Variants in GDNF observed in about 807,000 individuals in gnomAD.
GDNF encodes the protein glial cell derived neurotrophic factor.
In GDNF, 5 loss-of-function variants were observed where a neutral mutation model predicts 13.7. The ratio of observed to expected loss-of-function variants is 0.36; its 90% confidence interval spans 0.19 to 0.77. The LOEUF (loss-of-function observed/expected upper bound fraction) is 0.77. Among genes scored for constraint, GDNF ranks in the 30% least tolerant of loss-of-function variants. The pLI is 0.51. For missense variants in GDNF, 246 were observed against 274.3 expected (o/e 0.90, Z 0.73); for synonymous variants, 122 against 112.5 (o/e 1.08, Z -0.53).
intron 1 of GDNF, chr5:37,835,921 C>T (rs1750687504): frequency 3.7e-6 from 2 of 546,470 alleles, no homozygotes; most frequent in Non-Finnish European, 6.6e-6. Context: ...TTTGGCTTCT[C>T]AATCCTCACA....
At chr5:37,819,103 C>T (rs962411633) in intron 2 of GDNF, among the ~76,000 whole-genome samples, 3 of 152,192 alleles carry the variant, frequency 2.0e-5, no homozygotes, top group Admixed American at 6.5e-5. Flanking sequence ...TGGAGGCCTA[C>T]GGTAACTGCT....
chr5:37,833,680 G>T (rs1419964355), intron 2 of GDNF, among the ~76,000 whole-genome samples: 2 of 152,004 alleles, frequency 1.3e-5, no homozygotes, highest in African/African-American at 4.8e-5. Flanking sequence ...TGGGGGTGGC[G>T]TTAGGGAGGG....
chr5:37,838,183 G>C lies in GDNF; in HGVS notation c.-27+1324C>G, dbSNP rs989625257. Among the ~76,000 whole-genome samples the C allele has an allele frequency of 1.3e-5, 2 of 152,156 alleles. No homozygotes were observed. Among genetic ancestry groups the C allele is most frequent in the Admixed American group, 1.3e-4 (2 of 15,284 alleles). On this transcript the variant is annotated intron_variant, in intron 1 of 2. Transcript: ENST00000326524. This position sits in a 1 kb window ranked among gnomAD's most constrained non-coding sequence, Gnocchi z 4.1. ...GGGACACTTCTCGCAGGCAAACTGG[G>C]AAAGCGGTCTGTTTAAAGGGCCAGG...
Position 37,838,927 on chromosome 5 carries a change from T to G in GDNF, c.-27+580A>C, listed in dbSNP as rs1013500377. On this transcript the variant is annotated intron_variant, in intron 1 of 2. Coordinates refer to ENST00000326524, the MANE Select transcript of GDNF (RefSeq NM_000514.4). The surrounding 1 kb of genome is among the most constrained non-coding windows in gnomAD (Gnocchi z 4.1). ...GGATGGTTAGTTGGGGTGGAGGGCG[T>G]TAGGAACGTGCAGGCAACCGGGTGA... is the stretch of plus-strand genomic sequence containing the variant. Among the ~76,000 whole-genome samples, 2 of 152,126 alleles carry G rather than the reference T, an allele frequency of 1.3e-5. No homozygotes were observed. Among genetic ancestry groups the G allele is most frequent in the Non-Finnish European group, 2.9e-5 (2 of 68,022 alleles).
intron 2 of GDNF, among the ~76,000 whole-genome samples, chr5:37,817,243 A>G (rs1290049503): frequency 2.0e-5 from 3 of 152,216 alleles, no homozygotes; most frequent in African/African-American, 7.2e-5. Context: ...GCTTTGGCCA[A>G]TCAAGTCAGC....
chr5:37,835,897 C>T, intron 1 of GDNF: 1 of 559,308 alleles, frequency 1.8e-6, no homozygotes, highest in Non-Finnish European at 3.2e-6. Flanking sequence ...CTTTTCAGCC[C>T]GAGGTGGGCT....
rs775157679 is a variant in GDNF at position 37,816,016 on chromosome 5, G to A, written c.271C>T (p.Arg91Trp). The A allele has an allele frequency of 5.0e-6, 8 of 1,613,614 alleles. No individual in the cohort carries two copies. Among genetic ancestry groups the A allele is most frequent in the Non-Finnish European group, 5.9e-6 (7 of 1,179,676 alleles). ...KQMAVLPRRE[R>W]NRQAAAANPE... Reference sequence around the variant, plus strand: ...TTGGCAGCTGCAGCCTGCCGATTCCGCTCTCTTCTAGGAAGCACTGCCATT... The same window carrying A: ...TTGGCAGCTGCAGCCTGCCGATTCCACTCTCTTCTAGGAAGCACTGCCATT... The change falls in exon 3 of 3, where the codon CGG becomes TGG. Residue 91 changes from arginine (R) to tryptophan (W), a missense_variant. Physicochemically the swap from Arg to Trp is moderately radical, Grantham distance 101. Transcript: ENST00000326524.
chr5:37,815,913 A>G lies in GDNF; in HGVS notation c.374T>C (p.Leu125Ser), dbSNP rs1167174725. 1 of 1,614,170 alleles carries G rather than the reference A, an allele frequency of 6.2e-7. No individual in the cohort carries two copies. The highest frequency in any genetic ancestry group is 8.5e-7 in the Non-Finnish European group (1 of 1,180,034). Residue 125 changes from leucine to serine, a missense_variant, in exon 3 of 3, where the codon TTA (leucine) becomes TCA (serine). Physicochemically the swap from Leu to Ser is moderately radical, Grantham distance 145. Transcript: ENST00000326524. This position sits in a 1 kb window ranked among gnomAD's most constrained non-coding sequence, Gnocchi z 5.0. ...NRGCVLTAIH[L>S]NVTDLGLGYE... ...GCCCAGACCCAAGTCAGTGACATTT[A>G]AATGTATTGCAGTTAAGACACAACC...
In GDNF at chr5:37,837,273, C is replaced by T. The variant is rs1295572246; in HGVS notation, c.-27+2234G>A. Among the ~76,000 whole-genome samples the T allele has an allele frequency of 3.3e-5, 5 of 152,248 alleles. No individual in the cohort carries two copies. The highest frequency in any genetic ancestry group is 9.6e-5 in the African/African-American group (4 of 41,482). On this transcript the variant is annotated intron_variant, in intron 1 of 2. Transcript: ENST00000326524. The surrounding 1 kb of genome is among the most constrained non-coding windows in gnomAD (Gnocchi z 6.5). The stretch of plus-strand genomic sequence containing the variant: ...GCTTCTCCTCAACCATGGGCCTTTG[C>T]CCGCGGTGCAAACTGCTTTACGCGC...
At chr5:37,825,068 G>T (rs916234028) in intron 2 of GDNF, among the ~76,000 whole-genome samples, 1 of 152,178 alleles carries the variant, frequency 6.6e-6, no homozygotes, top group Admixed American at 6.5e-5. Flanking sequence ...ACTTAGAAAA[G>T]CCACTTTGCC....
At chr5:37,825,166 A>G (rs555386693) in intron 2 of GDNF, among the ~76,000 whole-genome samples, 1 of 152,338 alleles carries the variant, frequency 6.6e-6, no homozygotes, top group South Asian at 2.1e-4. Flanking sequence ...CTGTTATCCT[A>G]CAACTCAACT....
rs1405245020 is a variant in GDNF, at chr5:37,835,604, C to T, written c.-26-782G>A. On this transcript the variant is annotated intron_variant, in intron 1 of 2. Transcript: ENST00000326524. ...TCACGCATGACAAGCTCTAGCGGAACATGTAGTAAGAGCTCAGTAAATGCT... is the reference window on the plus strand; with the variant it reads ...TCACGCATGACAAGCTCTAGCGGAATATGTAGTAAGAGCTCAGTAAATGCT... 3 of 1,536,394 alleles carry T rather than the reference C, an allele frequency of 2.0e-6. No homozygotes were observed. The South Asian group carries it at 3.6e-5, about 18-fold the overall frequency.
chr5:37,822,690 G>T (rs1310912952), intron 2 of GDNF, among the ~76,000 whole-genome samples: 3 of 152,044 alleles, frequency 2.0e-5, no homozygotes, highest in Non-Finnish European at 4.4e-5. Flanking sequence ...TGCTCTACAG[G>T]CCAAGTATCT....
chr5:37,822,287 G>T (rs966673878), intron 2 of GDNF, among the ~76,000 whole-genome samples: 34 of 152,176 alleles, frequency 2.2e-4, no homozygotes, highest in African/African-American at 7.7e-4. Context: ...GCTGATGCAG[G>T]GGCCCCAGAG....
chr5:37,839,270 A>G lies in GDNF; in HGVS notation c.-27+237T>C, dbSNP rs1277686167. Reference sequence around the variant, plus strand: ...TCCAGGCGCATCTGGGGCTCCACAGATCTTTGCCCACGTGGAAAAGGCAAC... The same window carrying G: ...TCCAGGCGCATCTGGGGCTCCACAGGTCTTTGCCCACGTGGAAAAGGCAAC... On this transcript the variant is annotated intron_variant, in intron 1 of 2. Coordinates refer to ENST00000326524, the MANE Select transcript of GDNF (RefSeq NM_000514.4). This position sits in a 1 kb window ranked among gnomAD's most constrained non-coding sequence, Gnocchi z 5.5. Among the ~76,000 whole-genome samples the G allele has an allele frequency of 6.6e-6, 1 of 152,098 alleles. No homozygotes were observed. Among genetic ancestry groups the G allele is most frequent in the Non-Finnish European group, 1.5e-5 (1 of 67,998 alleles).
At chr5:37,836,543 G>GA (rs1208563482) in intron 1 of GDNF, among the ~76,000 whole-genome samples, 1 of 152,170 alleles carries the variant, frequency 6.6e-6, no homozygotes, top group African/African-American at 2.4e-5. Context: ...GCAAACTCGG[G>GA]AAAAAGCTAG....
At chr5:37,835,793 G>T (rs1002509322) in intron 1 of GDNF, 5 of 762,752 alleles carry the variant, frequency 6.6e-6, no homozygotes, top group African/African-American at 3.4e-5. Flanking sequence ...CCCCCGTCAC[G>T]CCTGGACGAC....
At chr5:37,828,436 G>A (rs547492503) in intron 2 of GDNF, among the ~76,000 whole-genome samples, 1 of 152,174 alleles carries the variant, frequency 6.6e-6, no homozygotes, top group Non-Finnish European at 1.5e-5. Flanking sequence ...TTTTAAAAGG[G>A]CCAAAAGGAA....
intron 2 of GDNF, among the ~76,000 whole-genome samples, chr5:37,823,849 A>G (rs1310554289): frequency 1.3e-5 from 2 of 152,206 alleles, no homozygotes; most frequent in Non-Finnish European, 2.9e-5. Context: ...TTGGCTGGAA[A>G]GTGTGGCCAG....
Sources: allele counts gnomAD v4.1 joint callset (sites outside exome capture counted in the v4.1 genomes callset), GRCh38; gene constraint gnomAD v4.1.1; non-coding constraint Gnocchi (gnomAD v3.1); transcripts MANE v1.5; gene names NCBI Gene and HGNC (gene_info 2026-07-23, HGNC 2026-07-21).